TRAF3: variants seen among roughly 807,000 people sequenced by gnomAD.
TRAF3 encodes the protein TNF receptor associated factor 3.
Under a neutral mutation model 62.3 loss-of-function variants are expected in TRAF3, and 13 were observed. The ratio of observed to expected loss-of-function variants is 0.21; its 90% CI spans 0.14 to 0.33. TRAF3 has a LOEUF of 0.33. Among genes scored for constraint, TRAF3 ranks in the 10% least tolerant of loss-of-function variants. TRAF3 has a pLI of 1.00. For synonymous variants in TRAF3, 269 were observed against 283.4 expected, an observed-to-expected ratio of 0.95 and a Z score of 0.51; for missense variants, 440 against 741.8, an observed-to-expected ratio of 0.59 and a Z score of 4.73.
intron 2 of TRAF3, among the ~76,000 whole-genome samples, chr14:102,839,211 T>C (rs9788576): frequency 0.042 from 1,145 of 26,954 alleles, 45 homozygotes; most frequent in African/African-American, 0.071. Context: ...TTGATTTGCC[T>C]TTTTTTTTTT....
intron 1 of TRAF3, among the ~76,000 whole-genome samples, chr14:102,789,594 ATGTGTGTGTGTG>A (rs56383846): frequency 6.1e-5 from 9 of 148,686 alleles, no homozygotes; most frequent in East Asian, 3.9e-4. Context: ...AAAAGGATAT[ATGTGTGTGTGTG>A]TGTGTGTGTG....
chr14:102,796,189 C>G (rs901103276), intron 1 of TRAF3, among the ~76,000 whole-genome samples: 4 of 152,244 alleles, frequency 2.6e-5, no homozygotes, highest in Non-Finnish European at 4.4e-5. Flanking sequence ...GCATTCCCAC[C>G]TGGGTGACAC....
At chr14:102,778,390 A>C (rs1234516614) in intron 1 of TRAF3, among the ~76,000 whole-genome samples, 1 of 152,116 alleles carries the variant, frequency 6.6e-6, no homozygotes, top group Non-Finnish European at 1.5e-5. Context: ...GGACCCGAGG[A>C]GATAATTCTG....
intron 1 of TRAF3, among the ~76,000 whole-genome samples, chr14:102,788,203 C>T (rs989232702): frequency 3.3e-5 from 5 of 152,084 alleles, no homozygotes; most frequent in Non-Finnish European, 2.9e-5. Context: ...AGGAGTGTGC[C>T]TGGCATATGG....
intron 1 of TRAF3, among the ~76,000 whole-genome samples, chr14:102,815,107 T>A (rs1899435071): frequency 6.6e-6 from 1 of 152,052 alleles, no homozygotes; most frequent in Admixed American, 6.6e-5. Context: ...GTTAATTTTT[T>A]AAATTATTTT....
At position 102,905,394 on chromosome 14, in the gene TRAF3, C is replaced by G. The variant is rs1890539980; in HGVS notation, c.1317C>G (p.Ser439=). 2 of 1,614,234 alleles carry G rather than the reference C, an allele frequency of 1.2e-6. No individual in the cohort carries two copies. Among genetic ancestry groups the G allele is most frequent in the Non-Finnish European group, 1.7e-6 (2 of 1,180,042 alleles). The part of the protein sequence containing the change: ...KQEAVMGKTL[S]LYSQPFYTGY... ...AGGCCGTCATGGGGAAGACCCTGTCCCTTTACAGCCAGCCTTTCTACACTG... is the reference window on the plus strand; with the variant it reads ...AGGCCGTCATGGGGAAGACCCTGTCGCTTTACAGCCAGCCTTTCTACACTG... Residue 439 remains serine (S), a synonymous_variant, in exon 12 of 12, where the codon TCC becomes TCG. Transcript: ENST00000392745.
intron 2 of TRAF3, among the ~76,000 whole-genome samples, chr14:102,837,597 G>A (rs139502328): frequency 3.2e-4 from 49 of 152,126 alleles, no homozygotes; most frequent in African/African-American, 9.6e-4. Flanking sequence ...AGTCCTAAGG[G>A]AGTAAACAAA....
chr14:102,801,268 C>T (rs139222245), intron 1 of TRAF3, among the ~76,000 whole-genome samples: 209 of 152,260 alleles, frequency 1.4e-3, no homozygotes, highest in African/African-American at 4.7e-3. Context: ...GCCACCACAC[C>T]CGGTGAATTA....
At chr14:102,843,334 T>A (rs982455911) in intron 2 of TRAF3, among the ~76,000 whole-genome samples, 1 of 151,392 alleles carries the variant, frequency 6.6e-6, no homozygotes, top group South Asian at 2.1e-4. Flanking sequence ...ATGGGAAAAA[T>A]TTTTATTTAT....
At chr14:102,867,230 C>G (rs1421212414) in intron 2 of TRAF3, among the ~76,000 whole-genome samples, 2 of 152,204 alleles carry the variant, frequency 1.3e-5, no homozygotes, top group Non-Finnish European at 2.9e-5. Context: ...CTGGTAAACT[C>G]TTTCTGTTAC....
At chr14:102,888,658 G>T (rs1889542510) in intron 7 of TRAF3, among the ~76,000 whole-genome samples, 1 of 152,158 alleles carries the variant, frequency 6.6e-6, no homozygotes, top group African/African-American at 2.4e-5. Flanking sequence ...TCTGTTTTCT[G>T]TGAAGAAGAT....
chr14:102,877,980 A>G (rs1435958623), intron 6 of TRAF3, among the ~76,000 whole-genome samples: 2 of 152,262 alleles, frequency 1.3e-5, no homozygotes, highest in Admixed American at 6.5e-5. Context: ...CTAAAGAGAA[A>G]AGATAGGAAT....
intron 2 of TRAF3, among the ~76,000 whole-genome samples, chr14:102,855,077 A>G (rs1170592034): frequency 6.6e-6 from 1 of 152,142 alleles, no homozygotes; most frequent in African/African-American, 2.4e-5. Flanking sequence ...TTTCATGTAG[A>G]TGAAATCGTA....
rs567455701 is a variant in TRAF3, at chr14:102,870,453, GCCCTCGCCCGGC to G, written c.245+10_245+21del. 1,637 of 1,612,482 alleles carry G rather than the reference GCCCTCGCCCGGC, an allele frequency of 1.0e-3. 18 individuals carry two copies. The African/African-American group carries it at 0.019, about 19-fold the overall frequency. On this transcript the variant is annotated splice_region_variant and intron_variant, in intron 3 of 11. Transcript: ENST00000392745. Reference sequence around the variant, plus strand: ...GCATGGCGGCCCTGCTGAGGTAGGCGCCCTCGCCCGGCCCGTCGCCCGGCCCCTTCTCAGCCC... The same window carrying G: ...GCATGGCGGCCCTGCTGAGGTAGGCGCCGTCGCCCGGCCCCTTCTCAGCCC...
intron 1 of TRAF3, among the ~76,000 whole-genome samples, chr14:102,820,066 G>C (rs1049644246): frequency 5.9e-5 from 9 of 152,186 alleles, no homozygotes; most frequent in African/African-American, 2.2e-4. Flanking sequence ...CGGGTGGTGA[G>C]CCCATGCTGG....
chr14:102,833,500 C>T (rs1192125590), intron 2 of TRAF3, among the ~76,000 whole-genome samples: 4 of 152,160 alleles, frequency 2.6e-5, no homozygotes. Context: ...CAAGCGAACA[C>T]CCATATTGTG....
chr14:102,884,341 A>G (rs1217775512), intron 6 of TRAF3, among the ~76,000 whole-genome samples: 1 of 152,140 alleles, frequency 6.6e-6, no homozygotes, highest in African/African-American at 2.4e-5. Flanking sequence ...GTCTTAACTG[A>G]CGCCATCTTC....
intron 6 of TRAF3, among the ~76,000 whole-genome samples, chr14:102,882,262 G>A (rs1889111473): frequency 6.6e-6 from 1 of 152,238 alleles, no homozygotes; most frequent in South Asian, 2.1e-4. Flanking sequence ...TTTGGGGCCT[G>A]ATTTGTGCAA....
At chr14:102,885,940 C>T (rs2139915036) in intron 6 of TRAF3, among the ~76,000 whole-genome samples, 1 of 152,322 alleles carries the variant, frequency 6.6e-6, no homozygotes, top group Middle Eastern at 3.4e-3. Flanking sequence ...AGGCCCCCAC[C>T]AGCAGACTGT....
Sources: allele counts gnomAD v4.1 joint callset (sites outside exome capture counted in the v4.1 genomes callset), GRCh38; gene constraint gnomAD v4.1.1; transcripts MANE v1.5; gene names NCBI Gene and HGNC (gene_info 2026-07-23, HGNC 2026-07-21).